KLHL1: variants seen among roughly 807,000 people sequenced by gnomAD.
The protein encoded by KLHL1 is kelch-like protein 1.
KLHL1 carries 47 observed loss-of-function variants against 77.7 expected under a neutral mutation model. The ratio of observed to expected loss-of-function variants is 0.60; its 90% CI spans 0.48 to 0.77. KLHL1 has a LOEUF of 0.77. Among genes scored for constraint, KLHL1 ranks in the 30% least tolerant of loss-of-function variants. The pLI is 0.00. For missense variants in KLHL1, 925 were observed against 910.8 expected (o/e 1.02, Z -0.20); for synonymous variants, 360 against 325.2 (o/e 1.11, Z -1.15).
chr13:70,018,382 C>T, intron 1 of KLHL1, among the ~76,000 whole-genome samples: 1 of 152,202 alleles, frequency 6.6e-6, no homozygotes, highest in East Asian at 1.9e-4. Flanking sequence ...CTCTGAATCT[C>T]CATACCACCC....
chr13:69,721,320 T>C (rs1295949863), intron 8 of KLHL1, among the ~76,000 whole-genome samples: 1 of 150,300 alleles, frequency 6.7e-6, no homozygotes, highest in Non-Finnish European at 1.5e-5. Flanking sequence ...CTTACACATA[T>C]TGATTGATGT....
intron 1 of KLHL1, among the ~76,000 whole-genome samples, chr13:70,084,045 T>G (rs1325150782): frequency 1.3e-5 from 2 of 152,160 alleles, no homozygotes; most frequent in Admixed American, 6.5e-5. Context: ...ATGTGCTTTA[T>G]GAAAAGTAGT....
chr13:70,017,068 C>T (rs764877734), intron 1 of KLHL1, among the ~76,000 whole-genome samples: 2 of 152,164 alleles, frequency 1.3e-5, no homozygotes, highest in Non-Finnish European at 2.9e-5. Flanking sequence ...AACTGTTCTG[C>T]CGCTCAATGA....
At chr13:69,780,695 T>TAC (rs1386118203) in intron 7 of KLHL1, among the ~76,000 whole-genome samples, 1 of 17,844 alleles carries the variant, frequency 5.6e-5, no homozygotes, top group Non-Finnish European at 9.4e-5. Context: ...CATATATATA[T>TAC]ATATATGTAT....
intron 1 of KLHL1, among the ~76,000 whole-genome samples, chr13:70,106,800 T>C (rs1460287314): frequency 6.6e-6 from 1 of 152,206 alleles, no homozygotes; most frequent in Non-Finnish European, 1.5e-5. Context: ...AGTCAGTTAC[T>C]AGGCCAATAT....
chr13:69,952,652 G>A (rs1883746771), intron 3 of KLHL1, among the ~76,000 whole-genome samples: 1 of 151,362 alleles, frequency 6.6e-6, no homozygotes, highest in Non-Finnish European at 1.5e-5. Flanking sequence ...TCAGCATGCA[G>A]TTTACTTCCA....
chr13:69,993,060 T>A (rs1196587453), intron 1 of KLHL1, among the ~76,000 whole-genome samples: 1 of 152,022 alleles, frequency 6.6e-6, no homozygotes, highest in African/African-American at 2.4e-5. Flanking sequence ...CAACTAACAC[T>A]ATTTATTTGC....
At chr13:69,712,986 T>A (rs1447442671) in intron 9 of KLHL1, among the ~76,000 whole-genome samples, 1 of 151,878 alleles carries the variant, frequency 6.6e-6, no homozygotes, top group Non-Finnish European at 1.5e-5. Context: ...ATTTTTTATT[T>A]TTATTATTAT....
At chr13:69,757,801 C>CA (rs1217956083) in intron 7 of KLHL1, among the ~76,000 whole-genome samples, 1 of 148,430 alleles carries the variant, frequency 6.7e-6, no homozygotes, top group Admixed American at 6.7e-5. Context: ...ACTAAAAATG[C>CA]AAAAAATTAG....
intron 7 of KLHL1, among the ~76,000 whole-genome samples, chr13:69,764,271 A>C: frequency 6.6e-6 from 1 of 152,286 alleles, no homozygotes; most frequent in Non-Finnish European, 1.5e-5. Context: ...TCACCAATCA[A>C]GTTGTTTCCA....
intron 1 of KLHL1, among the ~76,000 whole-genome samples, chr13:70,004,683 T>C (rs567322723): frequency 1.2e-4 from 19 of 152,064 alleles, no homozygotes; most frequent in African/African-American, 4.3e-4. Flanking sequence ...AGGCAAACCA[T>C]TTCTGCATTA....
intron 10 of KLHL1, among the ~76,000 whole-genome samples, chr13:69,704,065 G>A (rs1447969584): frequency 1.3e-5 from 2 of 151,568 alleles, no homozygotes; most frequent in African/African-American, 2.4e-5. Flanking sequence ...TCAATACTCA[G>A]TACTGTGTAC....
intron 4 of KLHL1, among the ~76,000 whole-genome samples, chr13:69,925,725 C>T (rs879715791): frequency 6.6e-6 from 1 of 152,174 alleles, no homozygotes; most frequent in South Asian, 2.1e-4. Flanking sequence ...TAACTGGTTT[C>T]GTCTTTACAA....
rs546658416 is a variant in KLHL1, at chr13:69,701,205, A to T, written c.*497T>A. On this transcript the variant is annotated 3_prime_UTR_variant, in exon 11 of 11. Transcript: ENST00000377844. The stretch of plus-strand genomic sequence containing the variant: ...AATGAGGCAGAAGCAGGTTTGTTTG[A>T]ATAAAGCATAATTCTGCTTCCCGTT... The T allele has an allele frequency of 6.6e-6, 1 of 152,310 alleles. No individual in the cohort carries two copies. Among genetic ancestry groups the T allele is most frequent in the African/African-American group, 2.4e-5 (1 of 41,560 alleles). The allele number at this position is 152,310 out of a possible 1,614,324, so 9.4% of individuals were successfully genotyped here. A position where few individuals can be genotyped will look rare whatever the true frequency, so the allele number is the denominator to read the frequency against.
chr13:69,950,427 T>C (rs1330686133), intron 3 of KLHL1, among the ~76,000 whole-genome samples: 1 of 151,646 alleles, frequency 6.6e-6, no homozygotes, highest in Non-Finnish European at 1.5e-5. Context: ...ATAGAGAACA[T>C]GTCTTATCTT....
intron 7 of KLHL1, among the ~76,000 whole-genome samples, chr13:69,790,690 C>A (rs1876829702): frequency 6.6e-6 from 1 of 151,972 alleles, no homozygotes; most frequent in African/African-American, 2.4e-5. Flanking sequence ...TGAAAAAAGA[C>A]AAAAATCACA....
chr13:69,770,749 A>G (rs1875524977), intron 7 of KLHL1, among the ~76,000 whole-genome samples: 1 of 152,128 alleles, frequency 6.6e-6, no homozygotes, highest in South Asian at 2.1e-4. Flanking sequence ...CATTCTATTT[A>G]TTACTACTAT....
chr13:69,832,212 G>A (rs1308672352), intron 6 of KLHL1, among the ~76,000 whole-genome samples: 4 of 149,742 alleles, frequency 2.7e-5, no homozygotes, highest in Middle Eastern at 3.5e-3. Flanking sequence ...ATAAACTCAC[G>A]CAAAAAGCTC....
intron 7 of KLHL1, among the ~76,000 whole-genome samples, chr13:69,795,012 G>A (rs186348393): frequency 2.6e-4 from 39 of 152,264 alleles, no homozygotes; most frequent in Non-Finnish European, 4.4e-4. Flanking sequence ...GGCCGAGGAT[G>A]TTTATTGTAT....
Sources: allele counts gnomAD v4.1 joint callset (sites outside exome capture counted in the v4.1 genomes callset), GRCh38; gene constraint gnomAD v4.1.1; transcripts MANE v1.5; gene names NCBI Gene and HGNC (gene_info 2026-07-23, HGNC 2026-07-21).